NCKAP5: variants seen among roughly 807,000 people sequenced by gnomAD.
NCKAP5 encodes the protein nck-associated protein 5.
In NCKAP5, 92 loss-of-function variants were observed where a neutral mutation model predicts 167.0. The ratio of observed to expected loss-of-function variants is 0.55; its 90% CI spans 0.47 to 0.66. The LOEUF (loss-of-function observed/expected upper bound fraction) is 0.66. Among genes scored for constraint, NCKAP5 ranks in the 30% least tolerant of loss-of-function variants. The pLI, the probability that NCKAP5 is intolerant of heterozygous loss-of-function variation, is 0.00. For synonymous variants in NCKAP5, 891 were observed against 877.4 expected, an observed-to-expected ratio of 1.02 and a Z score of -0.27; for missense variants, 2,378 against 2,315.0, an observed-to-expected ratio of 1.03 and a Z score of -0.56.
chr2:133,596,883 A>C, the NCKAP5 span, among the ~76,000 whole-genome samples: 1 of 152,250 alleles, frequency 6.6e-6, no homozygotes, highest in African/African-American at 2.4e-5. Context: ...GAATCATCTC[A>C]GACCAGTGAG....
intron 3 of NCKAP5, among the ~76,000 whole-genome samples, chr2:133,353,466 T>A (rs1684498318): frequency 6.6e-6 from 1 of 152,168 alleles, no homozygotes; most frequent in Admixed American, 6.5e-5. Flanking sequence ...TGACTTCTCC[T>A]CAATTTGATA....
At chr2:133,275,201 A>G (rs1479424062) in intron 4 of NCKAP5, among the ~76,000 whole-genome samples, 1 of 152,074 alleles carries the variant, frequency 6.6e-6, no homozygotes, top group African/African-American at 2.4e-5. Flanking sequence ...TAAAACAACA[A>G]TGAGGTAGCA....
At chr2:132,727,630 A>G (rs929118433) in intron 18 of NCKAP5, among the ~76,000 whole-genome samples, 1 of 152,226 alleles carries the variant, frequency 6.6e-6, no homozygotes, top group African/African-American at 2.4e-5. Flanking sequence ...GACTTAAGGC[A>G]TGGCAGAACA....
intron 5 of NCKAP5, among the ~76,000 whole-genome samples, chr2:133,177,650 T>C (rs2084529121): frequency 6.6e-6 from 1 of 152,086 alleles, no homozygotes; most frequent in Non-Finnish European, 1.5e-5. Flanking sequence ...CACCAGATAT[T>C]TTCTAGTCGA....
chr2:133,268,765 C>T (rs1004441953), intron 4 of NCKAP5, among the ~76,000 whole-genome samples: 2 of 152,278 alleles, frequency 1.3e-5, no homozygotes, highest in South Asian at 4.2e-4. Context: ...CCACCGCACC[C>T]GGCCGATTTT....
chr2:132,955,912 T>C (rs895057713), intron 8 of NCKAP5, among the ~76,000 whole-genome samples: 8 of 152,218 alleles, frequency 5.3e-5, no homozygotes, highest in African/African-American at 1.7e-4. Context: ...TGATCAGTGA[T>C]GGTGAGCTTT....
At chr2:133,311,518 G>A (rs556727978) in intron 3 of NCKAP5, among the ~76,000 whole-genome samples, 1 of 152,266 alleles carries the variant, frequency 6.6e-6, no homozygotes, top group Admixed American at 6.5e-5. Context: ...GCCATTGGTG[G>A]TCAACTCAAC....
chr2:133,470,662 G>C (rs1026877996), intron 3 of NCKAP5, among the ~76,000 whole-genome samples: 13 of 152,322 alleles, frequency 8.5e-5, no homozygotes, highest in African/African-American at 2.6e-4. Flanking sequence ...TAATCAGCGA[G>C]ACTCCATGGG....
chr2:132,935,238 G>A (rs1230142190), intron 8 of NCKAP5, among the ~76,000 whole-genome samples: 1 of 152,182 alleles, frequency 6.6e-6, no homozygotes, highest in African/African-American at 2.4e-5. Flanking sequence ...CTTGAAACAA[G>A]CCATCTTAAG....
intron 8 of NCKAP5, among the ~76,000 whole-genome samples, chr2:132,910,032 G>A (rs922194198): frequency 1.3e-5 from 2 of 152,164 alleles, no homozygotes; most frequent in Non-Finnish European, 2.9e-5. Flanking sequence ...CCTGAGGCAC[G>A]GCTAGTGAAA....
intron 2 of NCKAP5, among the ~76,000 whole-genome samples, chr2:133,519,812 GGCATATAGAAAACAAGCAAACAAACA>G (rs1319002617): frequency 6.6e-6 from 1 of 152,138 alleles, no homozygotes; most frequent in Non-Finnish European, 1.5e-5. Flanking sequence ...ATTTTAGTGA[GGCATATAGAAAACAAGCAAACAAACA>G]GCTCTAAACT....
At chr2:133,014,776 A>T (rs901836375) in intron 6 of NCKAP5, among the ~76,000 whole-genome samples, 1 of 152,230 alleles carries the variant, frequency 6.6e-6, no homozygotes, top group Non-Finnish European at 1.5e-5. Context: ...TTTTATAGAG[A>T]CTACTGCTTG....
At chr2:133,556,550 CAG>C (rs1687752049) in intron 2 of NCKAP5, among the ~76,000 whole-genome samples, 1 of 152,202 alleles carries the variant, frequency 6.6e-6, no homozygotes, top group Middle Eastern at 3.2e-3. Context: ...CATGTGTATT[CAG>C]TGTAGATTGT....
At chr2:133,161,261 G>A (rs2083784255) in intron 5 of NCKAP5, among the ~76,000 whole-genome samples, 1 of 152,084 alleles carries the variant, frequency 6.6e-6, no homozygotes, top group Admixed American at 6.5e-5. Flanking sequence ...GTGCCAAAAA[G>A]TTTGGAGACC....
intron 3 of NCKAP5, chr2:133,391,349 C>T (rs1034108132): frequency 6.3e-6 from 1 of 159,136 alleles, no homozygotes; most frequent in South Asian, 2.1e-4. Context: ...CCGAATCAAC[C>T]CTGGCAGTCA....
intron 11 of NCKAP5, among the ~76,000 whole-genome samples, chr2:132,841,160 T>C (rs1297693432): frequency 6.6e-6 from 1 of 152,156 alleles, no homozygotes; most frequent in Non-Finnish European, 1.5e-5. Context: ...CAAAGCAGAT[T>C]CTCCTGACTT....
At chr2:132,942,124 G>A (rs11891146) in intron 8 of NCKAP5, among the ~76,000 whole-genome samples, 63 of 152,232 alleles carry the variant, frequency 4.1e-4, no homozygotes, top group African/African-American at 1.2e-3. Flanking sequence ...AATAAGTTTT[G>A]ATAAACATAT....
intron 6 of NCKAP5, among the ~76,000 whole-genome samples, chr2:133,037,749 C>G (rs1009203500): frequency 6.6e-6 from 1 of 152,082 alleles, no homozygotes; most frequent in Non-Finnish European, 1.5e-5. Context: ...AATTCTTGAG[C>G]AATACCCCAT....
chr2:133,641,889 T>C, the NCKAP5 span, among the ~76,000 whole-genome samples: 2 of 152,174 alleles, frequency 1.3e-5, no homozygotes, highest in African/African-American at 4.8e-5. Flanking sequence ...CCTCTCTCCA[T>C]TGAATGATCA....
Sources: gnomAD v4.1 joint callset for allele counts (sites outside exome capture counted in the v4.1 genomes callset) on GRCh38, gnomAD v4.1.1 for gene constraint, MANE v1.5 for transcripts, NCBI Gene and HGNC (gene_info 2026-07-23, HGNC 2026-07-21) for gene names.